Variants in METTL2B observed in about 807,000 individuals in gnomAD.
METTL2B encodes the protein tRNA N(3)-cytidine methyltransferase METTL2B.
Under a neutral mutation model 51.0 loss-of-function variants are expected in METTL2B, and 28 were observed. The ratio of observed to expected loss-of-function variants is 0.55; its 90% CI spans 0.41 to 0.75. The LOEUF (loss-of-function observed/expected upper bound fraction) is 0.75. METTL2B is among the 30% of genes least tolerant of loss of function. The probability of loss-of-function intolerance (pLI) is 0.00; values close to 1 mark genes in which losing one functional copy is unlikely to be tolerated. For missense variants in METTL2B, 313 were observed against 460.7 expected, an observed-to-expected ratio of 0.68 and a Z score of 2.93; for synonymous variants, 128 against 166.3, an observed-to-expected ratio of 0.77 and a Z score of 1.77.
At chr7:128,495,705 G>A (rs780421469) in intron 6 of METTL2B, among the ~76,000 whole-genome samples, 2 of 151,998 alleles carry the variant, frequency 1.3e-5, no homozygotes, top group East Asian at 1.9e-4. Context: ...CACCCACCTC[G>A]GCATCCCAAA....
At chr7:128,477,205 C>T (rs1799813613) in intron 2 of METTL2B, 32 bp downstream of exon 2, 2 of 1,613,268 alleles carry the variant, frequency 1.2e-6, no homozygotes, top group Non-Finnish European at 1.7e-6. Context: ...TTGGTATCAA[C>T]AGCCAGCGTA....
intron 8 of METTL2B, chr7:128,501,240 C>T (rs1793024699): frequency 2.0e-6 from 2 of 985,432 alleles, no homozygotes; most frequent in Non-Finnish European, 2.4e-6. Context: ...GCCCACTCTG[C>T]AAGGCTCACC....
In METTL2B at chr7:128,482,441, G is replaced by A. The variant is rs4728110; in HGVS notation, c.608+1745G>A. On this transcript the variant is annotated intron_variant, in intron 4 of 8. Transcript: ENST00000262432. The stretch of plus-strand genomic sequence containing the variant: ...AGTGCTGGGATTATATGTGTGAGCC[G>A]CCGCGCCCAGCCTGCTGAGGAAATT... Among the ~76,000 whole-genome samples the A allele has an allele frequency of 4.1e-3, 627 of 151,190 alleles. 4 individuals are homozygous for A. Among genetic ancestry groups the A allele is most frequent in the African/African-American group, 0.014 (588 of 41,154 alleles).
rs1262156717 is a variant in METTL2B at position 128,502,854 on chromosome 7, C to T, written c.*938C>T. 2.6e-5 allele frequency: 7 copies of T among 271,436 alleles called. No individual in the cohort carries two copies. The highest frequency in any genetic ancestry group is 1.2e-4 in the South Asian group (4 of 33,868). 16.8% of individuals were successfully genotyped at this position (271,436 alleles called of 1,614,324 possible). A position where few individuals can be genotyped will look rare whatever the true frequency, so the allele number is the denominator to read the frequency against. On this transcript the variant is annotated 3_prime_UTR_variant, in exon 9 of 9. Coordinates refer to ENST00000262432, the MANE Select transcript of METTL2B (RefSeq NM_018396.3). ...CAGAGGTTGCAGTGAGCTGAGATTGCGCCACTGTACTCCAGCCTGGGCAAC... is the reference window on the plus strand; with the variant it reads ...CAGAGGTTGCAGTGAGCTGAGATTGTGCCACTGTACTCCAGCCTGGGCAAC...
rs1370656250 is a variant in METTL2B at position 128,476,891 on chromosome 7, C to T, written c.110+16C>T. 7.4e-6 allele frequency: 12 copies of T among 1,613,438 alleles called. No individual in the cohort carries two copies. The highest frequency in any genetic ancestry group is 1.6e-4 in the Middle Eastern group (1 of 6,080). Reference sequence around the variant, plus strand: ...ACAATGCCTGGTAATCACCCTGCCCCCTCGCCCGGCCTGTCGCTGGCCGTC... The same window carrying T: ...ACAATGCCTGGTAATCACCCTGCCCTCTCGCCCGGCCTGTCGCTGGCCGTC... On this transcript the variant is annotated intron_variant, in intron 1 of 8. Coordinates refer to ENST00000262432, the MANE Select transcript of METTL2B (RefSeq NM_018396.3).
chr7:128,494,995 A>C (rs1390117273), intron 6 of METTL2B, among the ~76,000 whole-genome samples: 2 of 148,896 alleles, frequency 1.3e-5, no homozygotes, highest in Non-Finnish European at 3.0e-5. Context: ...GCTCACTGCA[A>C]CCTCCACCTC....
At position 128,502,216 on chromosome 7, in the gene METTL2B, A is replaced by G. The variant is rs1487618215; in HGVS notation, c.*300A>G. 1 of 348,716 alleles carries G rather than the reference A, an allele frequency of 2.9e-6. No individual in the cohort carries two copies. The highest frequency in any genetic ancestry group is 5.1e-6 in the Non-Finnish European group (1 of 194,654). 21.6% of individuals were successfully genotyped at this position (348,716 alleles called of 1,614,324 possible). On this transcript the variant is annotated 3_prime_UTR_variant, in exon 9 of 9. Transcript: ENST00000262432. The stretch of plus-strand genomic sequence containing the variant: ...ACTTTGTATCAGGATTCTAACAATT[A>G]TGCTTCATATTTGTGAAGTCCTTTA...
At position 128,476,801 on chromosome 7, in the gene METTL2B, C is replaced by T. The variant is rs374756824; in HGVS notation, c.36C>T (p.Ile12=). 3.1e-6 allele frequency: 5 copies of T among 1,614,078 alleles called. No homozygotes were observed. In the African/African-American group the frequency reaches 4.0e-5, roughly 13 times the overall value. The part of the protein sequence containing the change: ...AGSYPEGAPA[I]LADKRQQFGS... ...CCTACCCTGAAGGTGCACCTGCAATCCTCGCCGATAAGAGGCAGCAGTTCG... is the reference window on the plus strand; with the variant it reads ...CCTACCCTGAAGGTGCACCTGCAATTCTCGCCGATAAGAGGCAGCAGTTCG... The change falls in exon 1 of 9, where the codon ATC becomes ATT. Residue 12 remains isoleucine, a synonymous_variant. Coordinates refer to ENST00000262432, the MANE Select transcript of METTL2B (RefSeq NM_018396.3).
chr7:128,484,635 C>T (rs768201168), intron 4 of METTL2B, among the ~76,000 whole-genome samples: 7 of 152,026 alleles, frequency 4.6e-5, no homozygotes, highest in East Asian at 3.9e-4. Context: ...CCCTGTCGCC[C>T]GGGCTGGAGT....
intron 7 of METTL2B, 137 bp from the exon 8 acceptor site, chr7:128,500,766 T>C: frequency 1.1e-6 from 1 of 882,994 alleles, no homozygotes; most frequent in Non-Finnish European, 1.8e-6. Context: ...CTTACTCCCG[T>C]TGAGCTGCTC....
intron 6 of METTL2B, 39 bp downstream of exon 6, chr7:128,493,982 A>T (rs375859706): frequency 1.9e-6 from 3 of 1,593,716 alleles, no homozygotes; most frequent in Non-Finnish European, 2.6e-6. Context: ...TCACAAAAAG[A>T]AAGCTTTGGT....
At chr7:128,491,966 G>C (rs758573614) in intron 5 of METTL2B, among the ~76,000 whole-genome samples, 1 of 152,200 alleles carries the variant, frequency 6.6e-6, no homozygotes, top group Admixed American at 6.6e-5. Context: ...TCTATGGTTT[G>C]TGTAATATTT....
At chr7:128,484,232 T>TTTTTTGTTTTG (rs71160654) in intron 4 of METTL2B, 1 of 83,558 alleles carries the variant, frequency 1.2e-5, no homozygotes, top group African/African-American at 5.0e-5. Flanking sequence ...TTTTTTTTTT[T>TTTTTTGTTTTG]TTTTTTTTTT....
intron 4 of METTL2B, 147 bp downstream of exon 4, chr7:128,480,843 G>A: frequency 1.9e-6 from 2 of 1,036,934 alleles, no homozygotes; most frequent in Non-Finnish European, 2.7e-6. Flanking sequence ...CCAGGGCAAT[G>A]TAGCAAGAAA....
chr7:128,478,857 C>G (rs989769385), intron 2 of METTL2B, among the ~76,000 whole-genome samples: 2 of 151,994 alleles, frequency 1.3e-5, no homozygotes, highest in Admixed American at 1.3e-4. Flanking sequence ...GAGCGAGACT[C>G]TGTCTCAAAA....
At chr7:128,491,848 T>C (rs879494798) in intron 5 of METTL2B, among the ~76,000 whole-genome samples, 13 of 151,784 alleles carry the variant, frequency 8.6e-5, no homozygotes, top group Non-Finnish European at 1.5e-4. Flanking sequence ...GCTTTTAGAA[T>C]TATTCATGCA....
At chr7:128,486,109 C>T (rs1792701844) in intron 4 of METTL2B, among the ~76,000 whole-genome samples, 1 of 152,126 alleles carries the variant, frequency 6.6e-6, no homozygotes, top group Non-Finnish European at 1.5e-5. Context: ...GCCTGGCCAA[C>T]ATGGCGAAAC....
rs577267906 is a variant in METTL2B, at chr7:128,502,794, A to T, written c.*878A>T. On this transcript the variant is annotated 3_prime_UTR_variant, in exon 9 of 9. Transcript: ENST00000262432. ...GGTGCCTGTAATCCAGCTACTCGGG[A>T]GGCTGAGGCAGGAGAATCACTTGAA... The T allele has an allele frequency of 6.2e-6, 2 of 320,762 alleles. No homozygotes were observed. The highest frequency in any genetic ancestry group is 4.6e-5 in the African/African-American group (2 of 43,502). 19.9% of individuals were successfully genotyped at this position (320,762 alleles called of 1,614,324 possible).
chr7:128,486,980 C>G (rs937780464), intron 4 of METTL2B, among the ~76,000 whole-genome samples: 50 of 152,228 alleles, frequency 3.3e-4, no homozygotes, highest in African/African-American at 1.1e-3. Flanking sequence ...GGCATGGACC[C>G]TGCTTTCGGA....
Sources: allele counts gnomAD v4.1 joint callset (sites outside exome capture counted in the v4.1 genomes callset), GRCh38; gene constraint gnomAD v4.1.1; transcripts MANE v1.5; gene names NCBI Gene and HGNC (gene_info 2026-07-23, HGNC 2026-07-21).